Variants in NFATC3 observed in about 807,000 individuals in gnomAD.
NFATC3 encodes nuclear factor of activated T cells 3.
In NFATC3, 46 loss-of-function variants were observed where a neutral mutation model predicts 98.6. The observed-to-expected ratio is 0.47, with a 90% confidence interval of 0.37 to 0.60. The LOEUF (loss-of-function observed/expected upper bound fraction) is 0.60, where lower values mean the gene tolerates loss of function less well. Ranked by LOEUF, NFATC3 falls within the 20% of genes least tolerant of loss-of-function variation. The probability of loss-of-function intolerance (pLI) is 0.00; values close to 1 mark genes in which losing one functional copy is unlikely to be tolerated. For missense variants in NFATC3, 1,256 were observed against 1,295.5 expected, an observed-to-expected ratio of 0.97 and a Z score of 0.47; for synonymous variants, 512 against 472.2, an observed-to-expected ratio of 1.08 and a Z score of -1.09.
chr16:68,199,108 C>T lies in NFATC3; in HGVS notation c.3106+7333C>T, dbSNP rs560640879. 2.6e-5 allele frequency among the ~76,000 whole-genome samples: 4 copies of T among 152,034 alleles called. No homozygotes were observed. In the South Asian group the frequency reaches 8.3e-4, roughly 32 times the overall value. On this transcript the variant is annotated intron_variant, in intron 9 of 9. Transcript: ENST00000346183. ...ATGTGTGCCTATAGTCCCAACTACT[C>T]AGGAGGCTGAAGTGGGAGGATTGCT...
intron 4 of NFATC3, among the ~76,000 whole-genome samples, chr16:68,161,929 C>T (rs940209300): frequency 1.1e-4 from 16 of 152,166 alleles, no homozygotes; most frequent in Non-Finnish European, 2.4e-4. Context: ...ATTTACCTGT[C>T]TCCTCCATCA....
chr16:68,124,427 CTTTCT>C (rs955472731), intron 2 of NFATC3, among the ~76,000 whole-genome samples: 2 of 94,864 alleles, frequency 2.1e-5, no homozygotes, highest in South Asian at 4.0e-4. Flanking sequence ...TTTTTCTTTT[CTTTCT>C]TTTTTTTTTT....
chr16:68,135,409 G>T (rs2037339967), intron 3 of NFATC3, among the ~76,000 whole-genome samples: 1 of 137,454 alleles, frequency 7.3e-6, no homozygotes, highest in East Asian at 2.3e-4. Context: ...AGTGAGCTGA[G>T]ATTGCGCCGC....
intron 5 of NFATC3, among the ~76,000 whole-genome samples, chr16:68,173,675 T>C (rs979966545): frequency 6.6e-6 from 1 of 152,246 alleles, no homozygotes; most frequent in Non-Finnish European, 1.5e-5. Context: ...AATATAATTA[T>C]ACATCTTTGG....
intron 4 of NFATC3, among the ~76,000 whole-genome samples, chr16:68,164,190 A>G (rs1341083902): frequency 2.0e-5 from 3 of 152,236 alleles, no homozygotes; most frequent in Admixed American, 6.5e-5. Flanking sequence ...ACTCGTGGTT[A>G]GGAGCTGGAG....
At chr16:68,210,319 A>T (rs1260909567) in intron 9 of NFATC3, among the ~76,000 whole-genome samples, 2 of 151,652 alleles carry the variant, frequency 1.3e-5, no homozygotes, top group Non-Finnish European at 2.9e-5. Flanking sequence ...AAGAAAAAAA[A>T]AAAGAATACA....
chr16:68,114,806 C>T (rs2036184522), intron 1 of NFATC3, among the ~76,000 whole-genome samples: 1 of 152,168 alleles, frequency 6.6e-6, no homozygotes, highest in African/African-American at 2.4e-5. Flanking sequence ...AACTCCTGAT[C>T]TCGTGATCCG....
intron 1 of NFATC3, among the ~76,000 whole-genome samples, chr16:68,106,675 C>T (rs1377451627): frequency 6.6e-6 from 1 of 152,024 alleles, no homozygotes; most frequent in South Asian, 2.1e-4. Flanking sequence ...ATCTGTCCAC[C>T]TCAGCCTCCC....
chr16:68,125,052 A>T (rs1376701744), intron 2 of NFATC3, among the ~76,000 whole-genome samples: 1 of 152,174 alleles, frequency 6.6e-6, no homozygotes, highest in African/African-American at 2.4e-5. Context: ...CATTAGTGTG[A>T]ATCTTTATTT....
At chr16:68,218,987 C>T (rs2041748896) in intron 9 of NFATC3, among the ~76,000 whole-genome samples, 1 of 151,980 alleles carries the variant, frequency 6.6e-6, no homozygotes, top group Non-Finnish European at 1.5e-5. Context: ...GCCTGTAATG[C>T]CAGCGCTTTA....
intron 1 of NFATC3, among the ~76,000 whole-genome samples, chr16:68,086,401 G>C (rs2034376452): frequency 6.6e-6 from 1 of 151,726 alleles, no homozygotes; most frequent in Non-Finnish European, 1.5e-5. Flanking sequence ...TTTAATAGTG[G>C]GTTGCTTTTT....
chr16:68,085,803 G>C lies in NFATC3; in HGVS notation c.103+19G>C. ...CCTGCAGGTGGGTGCCGGGCCAGGC[G>C]GGACCGTGGAGCGACCCCGCTTCTC... On this transcript the variant is annotated intron_variant, in intron 1 of 9. Coordinates refer to ENST00000346183, the MANE Select transcript of NFATC3 (RefSeq NM_173165.3). 7.0e-7 allele frequency: 1 copy of C among 1,430,582 alleles called. No individual in the cohort carries two copies. Among genetic ancestry groups the C allele is most frequent in the East Asian group, 2.9e-5 (1 of 34,888 alleles). The allele number at this position is 1,430,582 out of a possible 1,614,324, so 88.6% of individuals were successfully genotyped here.
intron 9 of NFATC3, among the ~76,000 whole-genome samples, chr16:68,203,161 A>G (rs1254111780): frequency 6.6e-6 from 1 of 152,202 alleles, no homozygotes; most frequent in Admixed American, 6.5e-5. Context: ...CCTGGGACAT[A>G]CAATAAGAAA....
At chr16:68,203,620 G>A (rs759023734) in intron 9 of NFATC3, among the ~76,000 whole-genome samples, 4 of 152,054 alleles carry the variant, frequency 2.6e-5, no homozygotes, top group African/African-American at 2.4e-5. Context: ...GCGACAGAGT[G>A]AGACCCTGTC....
chr16:68,220,142 A>G (rs2041805546), intron 9 of NFATC3, among the ~76,000 whole-genome samples: 1 of 152,166 alleles, frequency 6.6e-6, no homozygotes, highest in African/African-American at 2.4e-5. Context: ...AGTGTGCCAG[A>G]TCCTGTGACC....
chr16:68,208,369 G>A (rs1475764012), intron 9 of NFATC3, among the ~76,000 whole-genome samples: 1 of 152,092 alleles, frequency 6.6e-6, no homozygotes, highest in Non-Finnish European at 1.5e-5. Flanking sequence ...TGCCTCTTTG[G>A]TTAATTCCTA....
intron 3 of NFATC3, among the ~76,000 whole-genome samples, chr16:68,142,529 T>C (rs1314045647): frequency 6.6e-6 from 1 of 151,900 alleles, no homozygotes; most frequent in East Asian, 1.9e-4. Flanking sequence ...GCGAGGTGGG[T>C]GGATCACTTG....
At chr16:68,222,776 A>C (rs931885502) in intron 9 of NFATC3, among the ~76,000 whole-genome samples, 1 of 152,176 alleles carries the variant, frequency 6.6e-6, no homozygotes, top group African/African-American at 2.4e-5. Context: ...TTGGGAGTTC[A>C]TAGCCTATTT....
At chr16:68,212,928 T>C (rs2041472107) in intron 9 of NFATC3, among the ~76,000 whole-genome samples, 1 of 148,994 alleles carries the variant, frequency 6.7e-6, no homozygotes. Flanking sequence ...TAGCTGGGAC[T>C]ACAGGCGCCC....
Sources: gnomAD v4.1 joint callset for allele counts (sites outside exome capture counted in the v4.1 genomes callset) on GRCh38, gnomAD v4.1.1 for gene constraint, MANE v1.5 for transcripts, NCBI Gene and HGNC (gene_info 2026-07-23, HGNC 2026-07-21) for gene names.